TASP1: variants seen among roughly 807,000 people sequenced by gnomAD.
The protein encoded by TASP1 is taspase 1, also known as threonine aspartase 1.
In TASP1, 16 loss-of-function variants were observed where a neutral mutation model predicts 56.6. The ratio of observed to expected loss-of-function variants is 0.28; its 90% CI spans 0.19 to 0.43. The LOEUF is 0.43. Ranked by LOEUF, TASP1 falls within the 20% of genes least tolerant of loss-of-function variation. The pLI is 1.00. For missense variants in TASP1, 393 were observed against 511.6 expected (o/e 0.77, Z 2.24); for synonymous variants, 179 against 184.2 (o/e 0.97, Z 0.23).
the TASP1 span, among the ~76,000 whole-genome samples, chr20:13,116,650 A>G: frequency 6.6e-6 from 1 of 152,126 alleles, no homozygotes; most frequent in Non-Finnish European, 1.5e-5. Context: ...GTCCCAGATC[A>G]CAGGACTTGA....
intron 10 of TASP1, among the ~76,000 whole-genome samples, chr20:13,507,682 C>A (rs140927942): frequency 6.6e-6 from 1 of 152,180 alleles, no homozygotes; most frequent in African/African-American, 2.4e-5. Flanking sequence ...TGAATGTAAT[C>A]CTTATCAAAA....
chr20:13,310,376 AG>A, the TASP1 span, among the ~76,000 whole-genome samples: 1 of 152,226 alleles, frequency 6.6e-6, no homozygotes, highest in African/African-American at 2.4e-5. Flanking sequence ...ATCCACCTGC[AG>A]AAGAATGAAA....
intron 12 of TASP1, among the ~76,000 whole-genome samples, chr20:13,425,132 T>G (rs2146117425): frequency 6.6e-6 from 1 of 152,268 alleles, no homozygotes; most frequent in African/African-American, 2.4e-5. Flanking sequence ...ACAAGTAAAT[T>G]TATATGCCCA....
At chr20:13,134,243 A>G in the TASP1 span, among the ~76,000 whole-genome samples, 10 of 152,292 alleles carry the variant, frequency 6.6e-5, no homozygotes, top group Admixed American at 2.0e-4. Flanking sequence ...TGCTCACAAA[A>G]TATCTGTTTA....
chr20:13,589,057 GT>G lies in TASP1; in HGVS notation c.283-1688del, dbSNP rs1222198899. On this transcript the variant is annotated intron_variant, in intron 4 of 13. Coordinates refer to ENST00000337743, the MANE Select transcript of TASP1 (RefSeq NM_017714.3). ...ATAAAGAAGGTATAGTCTTTCGTGG[GT>G]TTTTTTTTTTTTTTTTTGAGATGGA... Among the ~76,000 whole-genome samples the G allele has an allele frequency of 5.5e-3, 738 of 133,750 alleles. 3 individuals are homozygous for G. Among genetic ancestry groups the G allele is most frequent in the African/African-American group, 0.015 (542 of 36,922 alleles). The allele number at this position is 133,750 out of a possible 152,430, so 87.7% of individuals were successfully genotyped here.
chr20:13,158,510 G>A, the TASP1 span, among the ~76,000 whole-genome samples: 3 of 152,108 alleles, frequency 2.0e-5, no homozygotes, highest in Non-Finnish European at 4.4e-5. Flanking sequence ...TGAGATCATG[G>A]GTCAGGTGGT....
chr20:13,393,862 C>A (rs2041392498), intron 13 of TASP1, among the ~76,000 whole-genome samples: 1 of 151,802 alleles, frequency 6.6e-6, no homozygotes, highest in South Asian at 2.1e-4. Context: ...TGAATAAAGT[C>A]CCCTGCGCTC....
At chr20:13,232,834 G>T in the TASP1 span, among the ~76,000 whole-genome samples, 4 of 152,290 alleles carry the variant, frequency 2.6e-5, no homozygotes, top group African/African-American at 9.6e-5. Context: ...GTAAGTGTAT[G>T]AACTACAGTA....
the TASP1 span, among the ~76,000 whole-genome samples, chr20:13,179,750 C>A: frequency 6.6e-6 from 1 of 152,224 alleles, no homozygotes; most frequent in Admixed American, 6.5e-5. Context: ...AAACACCTGG[C>A]CTTATCCTCC....
chr20:13,221,533 C>T, the TASP1 span, among the ~76,000 whole-genome samples: 1 of 144,348 alleles, frequency 6.9e-6, no homozygotes, highest in African/African-American at 2.5e-5. Context: ...CCCCCGGCCT[C>T]GCGGTGGCTC....
chr20:13,611,140 A>ATAAATATTATCCACAAAAAAAAATTATCC (rs1364128312), intron 4 of TASP1, among the ~76,000 whole-genome samples: 1 of 152,226 alleles, frequency 6.6e-6, no homozygotes, highest in African/African-American at 2.4e-5. Context: ...TCCACAAAAC[A>ATAAATATTATCCACAAAAAAAAATTATCC]GCAATTTTTC....
chr20:13,196,912 A>G, the TASP1 span, among the ~76,000 whole-genome samples: 532 of 152,288 alleles, frequency 3.5e-3, 2 homozygotes, highest in African/African-American at 0.012. Flanking sequence ...TAAATTACCA[A>G]TTGTTTACTT....
chr20:13,118,757 A>T, the TASP1 span, among the ~76,000 whole-genome samples: 1 of 152,220 alleles, frequency 6.6e-6, no homozygotes, highest in Admixed American at 6.5e-5. Flanking sequence ...GAACAGGAAC[A>T]AGAGTTCAGA....
At chr20:13,164,310 G>A in the TASP1 span, 104 of 471,312 alleles carry the variant, frequency 2.2e-4, 2 homozygotes, top group Middle Eastern at 1.3e-3. Context: ...GAGGACAGAG[G>A]ATGATGTTAA....
chr20:13,129,071 T>C, the TASP1 span, among the ~76,000 whole-genome samples: 1 of 152,036 alleles, frequency 6.6e-6, no homozygotes, highest in East Asian at 1.9e-4. Context: ...AGATGGGGTC[T>C]CGCCAGATTG....
At chr20:13,509,127 G>A (rs930364533) in intron 10 of TASP1, among the ~76,000 whole-genome samples, 12 of 58,406 alleles carry the variant, frequency 2.1e-4, no homozygotes, top group Non-Finnish European at 1.7e-4. Flanking sequence ...TGAAGAAAGT[G>A]TGTGTGTGTG....
the TASP1 span, among the ~76,000 whole-genome samples, chr20:13,342,259 G>A: frequency 4.6e-5 from 7 of 152,302 alleles, no homozygotes; most frequent in East Asian, 1.4e-3. Context: ...CCAGCAGGGC[G>A]CATATCGCAG....
chr20:13,457,699 T>A (rs2043898009), intron 11 of TASP1, among the ~76,000 whole-genome samples: 1 of 152,160 alleles, frequency 6.6e-6, no homozygotes, highest in African/African-American at 2.4e-5. Flanking sequence ...GCAATGTCAC[T>A]CTTAAGAATT....
chr20:13,399,735 T>A (rs867188956), intron 13 of TASP1, among the ~76,000 whole-genome samples: 1 of 152,232 alleles, frequency 6.6e-6, no homozygotes, highest in African/African-American at 2.4e-5. Flanking sequence ...CCTCTTAAGA[T>A]GTAAGTCAGT....
Sources: allele counts gnomAD v4.1 joint callset (sites outside exome capture counted in the v4.1 genomes callset), GRCh38; gene constraint gnomAD v4.1.1; transcripts MANE v1.5; gene names NCBI Gene and HGNC (gene_info 2026-07-23, HGNC 2026-07-21).